RALGAPA2: variants seen among roughly 807,000 people sequenced by gnomAD.
RALGAPA2 encodes ral GTPase-activating protein subunit alpha-2.
RALGAPA2 carries 139 observed loss-of-function variants against 230.4 expected under a neutral mutation model. The ratio of observed to expected loss-of-function variants is 0.60; its 90% CI spans 0.53 to 0.69. RALGAPA2 has a LOEUF of 0.69. Among genes scored for constraint, RALGAPA2 ranks in the 30% least tolerant of loss-of-function variants. The pLI is 0.00. For synonymous variants in RALGAPA2, 847 were observed against 837.8 expected, an observed-to-expected ratio of 1.01 and a Z score of -0.19; for missense variants, 2,163 against 2,276.0, an observed-to-expected ratio of 0.95 and a Z score of 1.01.
chr20:20,643,849 T>C (rs1247388185), intron 4 of RALGAPA2, among the ~76,000 whole-genome samples: 2 of 152,204 alleles, frequency 1.3e-5, no homozygotes, highest in African/African-American at 4.8e-5. Flanking sequence ...GGATGCTTTT[T>C]TTTTTAATCT....
intron 37 of RALGAPA2, among the ~76,000 whole-genome samples, chr20:20,440,781 G>A (rs1011744109): frequency 3.3e-5 from 5 of 152,312 alleles, no homozygotes; most frequent in South Asian, 2.1e-4. Context: ...AGGTGGTCGC[G>A]CTTCAATTAC....
intron 13 of RALGAPA2, among the ~76,000 whole-genome samples, chr20:20,614,769 C>T (rs1037131964): frequency 6.6e-5 from 10 of 152,200 alleles, no homozygotes; most frequent in Non-Finnish European, 1.5e-4. Context: ...AGACCTGCCT[C>T]GTGTCCATGG....
At chr20:20,645,209 G>A (rs2067169603) in intron 4 of RALGAPA2, among the ~76,000 whole-genome samples, 1 of 149,094 alleles carries the variant, frequency 6.7e-6, no homozygotes, top group Admixed American at 6.8e-5. Context: ...CCACCTCCTG[G>A]GTTCTAGCAA....
intron 37 of RALGAPA2, chr20:20,472,018 C>T (rs781484397): frequency 6.6e-6 from 1 of 152,072 alleles, no homozygotes; most frequent in Non-Finnish European, 1.5e-5. Context: ...ATTATCAATA[C>T]CAATTAGAAA....
At position 20,393,024 on chromosome 20, in the gene RALGAPA2, G is replaced by A; in HGVS notation, c.*265C>T. 8.2e-7 allele frequency: 1 copy of A among 1,223,898 alleles called. No homozygotes were observed. The highest frequency in any genetic ancestry group is 1.1e-6 in the Non-Finnish European group (1 of 919,830). 75.8% of individuals were successfully genotyped at this position (1,223,898 alleles called of 1,614,324 possible). Reference sequence around the variant, plus strand: ...AAGTCCAAGGTTTGTGAGGTTTCAGGACAAGATGATACAGCCTAGTTTGAG... The same window carrying A: ...AAGTCCAAGGTTTGTGAGGTTTCAGAACAAGATGATACAGCCTAGTTTGAG... On this transcript the variant is annotated 3_prime_UTR_variant, in exon 40 of 40. Coordinates refer to ENST00000202677, the MANE Select transcript of RALGAPA2 (RefSeq NM_020343.4).
intron 7 of RALGAPA2, among the ~76,000 whole-genome samples, chr20:20,637,725 A>G (rs774020037): frequency 5.3e-5 from 8 of 152,242 alleles, no homozygotes; most frequent in Non-Finnish European, 1.0e-4. Context: ...TTTTACTTAG[A>G]ACCAAATTGC....
rs369817988 is a variant in RALGAPA2 at position 20,629,391 on chromosome 20, A to T, written c.1205T>A (p.Val402Asp). ...GTGAAATACTTCATTCACGAAGTTG[A>T]CATAACCTCGTGTTGACAAGAGAAT... Reference protein sequence around the residue: ...QRILLSTRGYVNFVNEVFHQA... With the variant: ...QRILLSTRGYDNFVNEVFHQA... The change falls in exon 10 of 40, where the codon GTC becomes GAC. Residue 402 changes from valine (V) to aspartate (D), a missense_variant. Physicochemically the swap from Val to Asp is radical, Grantham distance 152. Transcript: ENST00000202677. The T allele has an allele frequency of 6.2e-7, 1 of 1,609,188 alleles. No individual in the cohort carries two copies. Among genetic ancestry groups the T allele is most frequent in the African/African-American group, 1.3e-5 (1 of 74,838 alleles).
At chr20:20,399,683 C>G (rs2059792432) in intron 38 of RALGAPA2, among the ~76,000 whole-genome samples, 1 of 152,208 alleles carries the variant, frequency 6.6e-6, no homozygotes, top group African/African-American at 2.4e-5. Context: ...AAGAGGCTGG[C>G]TGGAGATGTG....
chr20:20,536,521 A>T (rs1388249027), intron 25 of RALGAPA2, 135 bp downstream of exon 25: 14 of 999,178 alleles, frequency 1.4e-5, no homozygotes, highest in Non-Finnish European at 2.0e-5. Context: ...TTCTAGAAAC[A>T]ACTACTGAAA....
At chr20:20,576,025 A>T (rs2064808323) in intron 20 of RALGAPA2, among the ~76,000 whole-genome samples, 1 of 152,116 alleles carries the variant, frequency 6.6e-6, no homozygotes, top group South Asian at 2.1e-4. Context: ...TTTAAAAGCC[A>T]CTTATTTTAT....
intron 14 of RALGAPA2, among the ~76,000 whole-genome samples, chr20:20,607,403 CTT>C (rs1223829727): frequency 6.6e-6 from 1 of 152,048 alleles, no homozygotes. Flanking sequence ...ATATTAACCA[CTT>C]ATATTTAAAG....
In RALGAPA2 at chr20:20,503,412, T is replaced by C; in HGVS notation, c.5147A>G (p.Glu1716Gly). 1 of 1,606,828 alleles carries C rather than the reference T, an allele frequency of 6.2e-7. No individual in the cohort carries two copies. Residue 1716 changes from glutamate (E) to glycine (G), a missense_variant, in exon 35 of 40, where the codon GAA (glutamate) becomes GGA (glycine). Physicochemically the swap from Glu to Gly is moderately conservative, Grantham distance 98. Coordinates refer to ENST00000202677, the MANE Select transcript of RALGAPA2 (RefSeq NM_020343.4). Reference sequence around the variant, plus strand: ...TCGAGTGGAAACATGGAAAATCACTTCCACAGTTGAGGTAGCATAGTAAGG... The same window carrying C: ...TCGAGTGGAAACATGGAAAATCACTCCCACAGTTGAGGTAGCATAGTAAGG... ...TAPYYATSTVEVIFHVSTRMP... is the reference protein window; with the variant it reads ...TAPYYATSTVGVIFHVSTRMP...
chr20:20,435,561 G>T (rs1306285104), intron 37 of RALGAPA2, among the ~76,000 whole-genome samples: 2 of 152,228 alleles, frequency 1.3e-5, no homozygotes, highest in Admixed American at 6.5e-5. Context: ...GGGAACAGGG[G>T]TCACACCCTT....
chr20:20,598,659 A>G (rs769284390), intron 16 of RALGAPA2: 1 of 453,332 alleles, frequency 2.2e-6, no homozygotes, highest in South Asian at 1.6e-5. Flanking sequence ...TGATGGACAC[A>G]TGAGACAGTA....
intron 26 of RALGAPA2, among the ~76,000 whole-genome samples, chr20:20,533,010 T>C (rs1057437844): frequency 8.1e-6 from 1 of 123,058 alleles, no homozygotes; most frequent in African/African-American, 3.0e-5. Flanking sequence ...ACAACTGAGA[T>C]AATAAATAGA....
At chr20:20,494,995 G>A (rs1293593431) in intron 36 of RALGAPA2, 122 bp downstream of exon 36, 1 of 877,246 alleles carries the variant, frequency 1.1e-6, no homozygotes, top group African/African-American at 1.7e-5. Context: ...TCAGATATAT[G>A]TAAGACATTC....
intron 37 of RALGAPA2, among the ~76,000 whole-genome samples, chr20:20,422,475 G>C (rs2060296704): frequency 6.6e-6 from 1 of 152,094 alleles, no homozygotes; most frequent in South Asian, 2.1e-4. Flanking sequence ...GGAGGCTGAG[G>C]TGAGAGGATC....
chr20:20,573,954 A>G (rs2064737247), intron 20 of RALGAPA2, among the ~76,000 whole-genome samples: 1 of 152,190 alleles, frequency 6.6e-6, no homozygotes, highest in Non-Finnish European at 1.5e-5. Context: ...AATATCTAGG[A>G]GTGAGATTCC....
At chr20:20,607,409 T>C (rs2065854579) in intron 14 of RALGAPA2, among the ~76,000 whole-genome samples, 1 of 152,044 alleles carries the variant, frequency 6.6e-6, no homozygotes, top group African/African-American at 2.4e-5. Flanking sequence ...ACCACTTATA[T>C]TTAAAGTCTG....
Sources: allele counts gnomAD v4.1 joint callset (sites outside exome capture counted in the v4.1 genomes callset), GRCh38; gene constraint gnomAD v4.1.1; transcripts MANE v1.5; gene names NCBI Gene and HGNC (gene_info 2026-07-23, HGNC 2026-07-21).